Variants in HIRA observed in about 807,000 individuals in gnomAD.
The protein encoded by HIRA is protein HIRA.
HIRA carries 13 observed loss-of-function variants against 126.6 expected under a neutral mutation model. That is an observed-to-expected ratio of 0.10 (90% CI 0.07 to 0.16). The LOEUF is 0.16. HIRA is among the 10% of genes least tolerant of loss of function. The pLI is 1.00. For synonymous variants in HIRA, 511 were observed against 520.0 expected, an observed-to-expected ratio of 0.98 and a Z score of 0.24; for missense variants, 834 against 1,314.4, an observed-to-expected ratio of 0.63 and a Z score of 5.65.
At chr22:19,430,191 A>G (rs1199052162) in intron 1 of HIRA, 2 of 152,132 alleles carry the variant, frequency 1.3e-5, no homozygotes, top group Non-Finnish European at 2.9e-5. Flanking sequence ...CCCTGGGGGC[A>G]TATGGAAAGT....
At chr22:19,354,772 T>G (rs2088794516) in intron 21 of HIRA, among the ~76,000 whole-genome samples, 1 of 151,376 alleles carries the variant, frequency 6.6e-6, no homozygotes, top group Non-Finnish European at 1.5e-5. Flanking sequence ...CAGTGGAGAT[T>G]TTTTTTTTCC....
chr22:19,367,015 G>A (rs948045493), intron 15 of HIRA, among the ~76,000 whole-genome samples: 1 of 152,044 alleles, frequency 6.6e-6, no homozygotes, highest in African/African-American at 2.4e-5. Flanking sequence ...CACCCACCTC[G>A]GCCTCCCAAA....
In HIRA at chr22:19,331,371, G is replaced by T; in HGVS notation, c.*69C>A. 6.2e-7 allele frequency: 1 copy of T among 1,607,426 alleles called. No individual in the cohort carries two copies. The highest frequency in any genetic ancestry group is 8.5e-7 in the Non-Finnish European group (1 of 1,179,128). On this transcript the variant is annotated 3_prime_UTR_variant, in exon 25 of 25. Coordinates refer to ENST00000263208, the MANE Select transcript of HIRA (RefSeq NM_003325.4). ...CCTACAGCCTGGTCAGGTGAGAGGC[G>T]GTCCTGCATGTCATCAGCGGCGAGA...
At chr22:19,385,406 C>A (rs968475219) in intron 12 of HIRA, 115 bp downstream of exon 12, 25 of 1,010,690 alleles carry the variant, frequency 2.5e-5, no homozygotes, top group Non-Finnish European at 3.5e-5. Flanking sequence ...CTGGCTAACC[C>A]ACAGATCCCG....
At chr22:19,399,260 G>T in intron 5 of HIRA, 1 of 559,384 alleles carries the variant, frequency 1.8e-6, no homozygotes, top group Non-Finnish European at 2.3e-6. Context: ...TAGCTATCAA[G>T]TCCTTTCTTT....
At chr22:19,338,931 A>C (rs575012599) in intron 24 of HIRA, among the ~76,000 whole-genome samples, 8 of 152,242 alleles carry the variant, frequency 5.3e-5, no homozygotes, top group African/African-American at 1.2e-4. Flanking sequence ...ATGGACTTAC[A>C]CTATACCCTA....
intron 1 of HIRA, among the ~76,000 whole-genome samples, chr22:19,419,657 T>G (rs539911965): frequency 3.3e-5 from 5 of 152,358 alleles, no homozygotes; most frequent in African/African-American, 1.2e-4. Flanking sequence ...TTTTATTCAC[T>G]AATTCATCCT....
chr22:19,375,088 C>T (rs1199864528), intron 15 of HIRA, among the ~76,000 whole-genome samples: 1 of 152,248 alleles, frequency 6.6e-6, no homozygotes, highest in African/African-American at 2.4e-5. Context: ...AGAACTACAA[C>T]CTGCGTGATG....
intron 15 of HIRA, among the ~76,000 whole-genome samples, chr22:19,364,022 C>T (rs186636420): frequency 2.6e-4 from 40 of 152,172 alleles, no homozygotes; most frequent in East Asian, 9.6e-4. Flanking sequence ...CTTTGGGTGA[C>T]GGTGTGCCCC....
At chr22:19,413,094 T>C (rs549638864) in intron 1 of HIRA, among the ~76,000 whole-genome samples, 16 of 152,146 alleles carry the variant, frequency 1.1e-4, no homozygotes, top group South Asian at 4.1e-4. Context: ...TGATGTAATG[T>C]TGCAGAGCAG....
intron 6 of HIRA, among the ~76,000 whole-genome samples, chr22:19,397,320 T>C (rs1159073299): frequency 6.6e-6 from 1 of 152,152 alleles, no homozygotes; most frequent in African/African-American, 2.4e-5. Flanking sequence ...GCTGAGTCTT[T>C]TATAAGTTAT....
chr22:19,371,774 T>A lies in HIRA; in HGVS notation c.1775+3857A>T, dbSNP rs1163600099. 2.0e-5 allele frequency among the ~76,000 whole-genome samples: 3 copies of A among 152,230 alleles called. No homozygotes were observed. The East Asian group carries it at 5.8e-4, about 29-fold the overall frequency. On this transcript the variant is annotated intron_variant, in intron 15 of 24. Coordinates refer to ENST00000263208, the MANE Select transcript of HIRA (RefSeq NM_003325.4). ...TTCTCTTAGCATAATGTCTTTAAGG[T>A]TTATCGTTATTGTAGCACATGTAAG...
chr22:19,423,581 C>A (rs935535823), intron 1 of HIRA, among the ~76,000 whole-genome samples: 1 of 151,758 alleles, frequency 6.6e-6, no homozygotes, highest in Non-Finnish European at 1.5e-5. Flanking sequence ...CCATGTGAGA[C>A]CTTCTGTTAG....
At chr22:19,424,271 T>C (rs1414242289) in intron 1 of HIRA, among the ~76,000 whole-genome samples, 1 of 152,240 alleles carries the variant, frequency 6.6e-6, no homozygotes, top group African/African-American at 2.4e-5. Context: ...TAGGCAACGA[T>C]GATTGATGCA....
At position 19,378,003 on chromosome 22, in the gene HIRA, G is replaced by A. The variant is rs115877869; in HGVS notation, c.1479C>T (p.Leu493=). The A allele has an allele frequency of 6.2e-7, 1 of 1,611,180 alleles. No homozygotes were observed. Among genetic ancestry groups the A allele is most frequent in the East Asian group, 2.2e-5 (1 of 44,758 alleles). The change falls in exon 14 of 25, where the codon CTC becomes CTT. Residue 493 remains leucine, a synonymous_variant. Coordinates refer to ENST00000263208, the MANE Select transcript of HIRA (RefSeq NM_003325.4). ...GTAGCTGTGGACTGCTATGAGAAGA[G>A]AGCATGGTGCCCGCCAGGGAGCCCG... ...PLSGSLAGTM[L]SSHSSPQLLP...
At chr22:19,332,505 A>G (rs560634104) in intron 24 of HIRA, among the ~76,000 whole-genome samples, 1 of 152,114 alleles carries the variant, frequency 6.6e-6, no homozygotes, top group African/African-American at 2.4e-5. Flanking sequence ...TCCTTTACAG[A>G]AAAGTTTGTC....
At chr22:19,375,363 G>C (rs763811901) in intron 15 of HIRA, among the ~76,000 whole-genome samples, 6 of 152,290 alleles carry the variant, frequency 3.9e-5, no homozygotes, top group African/African-American at 7.2e-5. Flanking sequence ...TTCAGCCTCT[G>C]CACTGACCAA....
chr22:19,363,687 C>A (rs1345887091), intron 15 of HIRA, among the ~76,000 whole-genome samples: 1 of 152,100 alleles, frequency 6.6e-6, no homozygotes, highest in Non-Finnish European at 1.5e-5. Context: ...CACTTGAGGT[C>A]AGGAGTTTGA....
At position 19,405,694 on chromosome 22, in the gene HIRA, A is replaced by G. The variant is rs957257878; in HGVS notation, c.397+92T>C. ...ACAGCCCAGACATAGGGCTGCTTTA[A>G]GGACCAAACAGTCCCACAGGGGACG... On this transcript the variant is annotated intron_variant, in intron 5 of 24. Transcript: ENST00000263208. 1.0e-4 allele frequency: 103 copies of G among 1,013,928 alleles called. No individual in the cohort carries two copies. In the Admixed American group the frequency reaches 3.8e-3, roughly 37 times the overall value. 62.8% of individuals were successfully genotyped at this position (1,013,928 alleles called of 1,614,324 possible). A position where few individuals can be genotyped will look rare whatever the true frequency, so the allele number is the denominator to read the frequency against.
Sources: allele counts gnomAD v4.1 joint callset (sites outside exome capture counted in the v4.1 genomes callset), GRCh38; gene constraint gnomAD v4.1.1; transcripts MANE v1.5; gene names NCBI Gene and HGNC (gene_info 2026-07-23, HGNC 2026-07-21).